Variants in LYPD6 observed in about 807,000 individuals in gnomAD.
The protein encoded by LYPD6 is LY6/PLAUR domain containing 6, also known as ly6/PLAUR domain-containing protein 6.
In LYPD6, 15 loss-of-function variants were observed where a neutral mutation model predicts 22.7. The observed-to-expected ratio is 0.66, with a 90% CI of 0.44 to 1.02. The LOEUF is 1.02. Ranked by LOEUF, LYPD6 falls within the 50% of genes least tolerant of loss-of-function variation. LYPD6 has a pLI of 0.00. For synonymous variants in LYPD6, 72 were observed against 77.5 expected (o/e 0.93, Z 0.37); for missense variants, 189 against 208.4 (o/e 0.91, Z 0.57).
At chr2:149,440,615 A>G (rs1176576554) in intron 2 of LYPD6, among the ~76,000 whole-genome samples, 1 of 151,678 alleles carries the variant, frequency 6.6e-6, no homozygotes, top group African/African-American at 2.4e-5. Context: ...TATGATGGGA[A>G]TACTGTGTAA....
At chr2:149,337,117 C>T (rs1028256709) in intron 1 of LYPD6, among the ~76,000 whole-genome samples, 1 of 152,146 alleles carries the variant, frequency 6.6e-6, no homozygotes, top group African/African-American at 2.4e-5. Context: ...TCTTTCTAGA[C>T]TGTAAGCGCT....
At chr2:149,378,120 TAA>T in intron 1 of LYPD6, among the ~76,000 whole-genome samples, 1 of 152,274 alleles carries the variant, frequency 6.6e-6, no homozygotes. Context: ...CTATGATTAA[TAA>T]TATATATATT....
At chr2:149,366,851 A>T (rs1275347202) in intron 1 of LYPD6, among the ~76,000 whole-genome samples, 2 of 152,204 alleles carry the variant, frequency 1.3e-5, no homozygotes, top group African/African-American at 4.8e-5. Flanking sequence ...GGGCCCCTTT[A>T]CAAGTTTTAA....
intron 1 of LYPD6, among the ~76,000 whole-genome samples, chr2:149,416,680 C>G (rs1312073086): frequency 2.6e-5 from 4 of 152,170 alleles, no homozygotes; most frequent in African/African-American, 9.7e-5. Flanking sequence ...ATCAGGAGTG[C>G]TAATAAGCGG....
rs200046618 is a variant in LYPD6, at chr2:149,468,618, T to A, written c.218-27T>A. 1,827 of 1,605,842 alleles carry A rather than the reference T, an allele frequency of 1.1e-3. 3 individuals carry two copies. Among genetic ancestry groups the A allele is most frequent in the Non-Finnish European group, 1.5e-3 (1,724 of 1,177,516 alleles). On this transcript the variant is annotated intron_variant, in intron 3 of 4. Transcript: ENST00000334166. ...AGGCAGGTTTGGTCAACATTTCCCATCTCAAATATATTTTCTCTGTTGACA... is the reference window on the plus strand; with the variant it reads ...AGGCAGGTTTGGTCAACATTTCCCAACTCAAATATATTTTCTCTGTTGACA...
chr2:149,485,621 G>A, the LYPD6 span, among the ~76,000 whole-genome samples: 3 of 152,156 alleles, frequency 2.0e-5, no homozygotes, highest in Non-Finnish European at 4.4e-5. Flanking sequence ...TTTGTCTGAC[G>A]CTGAGCCAGT....
chr2:149,460,743 C>G (rs1321082195), intron 3 of LYPD6, among the ~76,000 whole-genome samples: 14 of 152,036 alleles, frequency 9.2e-5, no homozygotes, highest in African/African-American at 3.1e-4. Context: ...AGCCATAAAG[C>G]AAACCTCAAC....
chr2:149,333,926 A>C (rs1390949997), intron 1 of LYPD6, among the ~76,000 whole-genome samples: 1 of 152,222 alleles, frequency 6.6e-6, no homozygotes, highest in Non-Finnish European at 1.5e-5. Context: ...CAAGAGTATA[A>C]TCAGTCTCTA....
chr2:149,426,790 A>C (rs1043003242), intron 1 of LYPD6, among the ~76,000 whole-genome samples: 5 of 152,224 alleles, frequency 3.3e-5, no homozygotes, highest in African/African-American at 1.2e-4. Flanking sequence ...CAGGAAGGGC[A>C]GAAAACCCTT....
At chr2:149,423,218 T>C (rs1011596252) in intron 1 of LYPD6, among the ~76,000 whole-genome samples, 1 of 152,088 alleles carries the variant, frequency 6.6e-6, no homozygotes, top group Non-Finnish European at 1.5e-5. Flanking sequence ...ATCAGCACTG[T>C]GGGGGCAGCT....
At chr2:149,330,805 A>C (rs1306949132) in intron 1 of LYPD6, 83 bp downstream of exon 1, 1 of 152,222 alleles carries the variant, frequency 6.6e-6, no homozygotes, top group African/African-American at 2.4e-5. Flanking sequence ...GGGCCTGGCC[A>C]AGGCAGGGAG....
At chr2:149,390,275 T>C (rs1014068960) in intron 1 of LYPD6, among the ~76,000 whole-genome samples, 1 of 152,210 alleles carries the variant, frequency 6.6e-6, no homozygotes, top group Admixed American at 6.5e-5. Flanking sequence ...AAGCATCTTA[T>C]TACTTGATCT....
At chr2:149,400,267 T>C (rs1682523862) in intron 1 of LYPD6, among the ~76,000 whole-genome samples, 1 of 152,220 alleles carries the variant, frequency 6.6e-6, no homozygotes, top group African/African-American at 2.4e-5. Context: ...ACCATTCTTA[T>C]AGGGGGTAAT....
chr2:149,368,688 G>A (rs1185920733), intron 1 of LYPD6, among the ~76,000 whole-genome samples: 1 of 152,208 alleles, frequency 6.6e-6, no homozygotes, highest in Non-Finnish European at 1.5e-5. Context: ...AGAAGGATTG[G>A]AGGGGTGTTA....
At chr2:149,360,363 A>G (rs1573740620) in intron 1 of LYPD6, among the ~76,000 whole-genome samples, 1 of 152,192 alleles carries the variant, frequency 6.6e-6, no homozygotes, top group Admixed American at 6.5e-5. Context: ...GCAGCTCAGT[A>G]GGTCTCAGCC....
chr2:149,410,515 C>G (rs1401363477), intron 1 of LYPD6, among the ~76,000 whole-genome samples: 1 of 151,716 alleles, frequency 6.6e-6, no homozygotes, highest in African/African-American at 2.4e-5. Flanking sequence ...TGTTGGAAAA[C>G]AAATGAGGTT....
intron 1 of LYPD6, among the ~76,000 whole-genome samples, chr2:149,348,061 CAAAA>C (rs58228847): frequency 3.4e-3 from 264 of 76,698 alleles, no homozygotes; most frequent in African/African-American, 0.011. Context: ...ACTAAAAATA[CAAAA>C]AAAAAAAAAA....
At chr2:149,429,553 G>A (rs1214336391) in intron 1 of LYPD6, among the ~76,000 whole-genome samples, 1 of 152,230 alleles carries the variant, frequency 6.6e-6, no homozygotes, top group Non-Finnish European at 1.5e-5. Context: ...GAGCTGAACT[G>A]TAATTTCTAG....
chr2:149,336,954 T>C (rs1025372090), intron 1 of LYPD6, among the ~76,000 whole-genome samples: 1 of 152,022 alleles, frequency 6.6e-6, no homozygotes, highest in African/African-American at 2.4e-5. Context: ...TGTGTGTGTG[T>C]GTGTGTTTGG....
Sources: gnomAD v4.1 joint callset for allele counts (sites outside exome capture counted in the v4.1 genomes callset) on GRCh38, gnomAD v4.1.1 for gene constraint, MANE v1.5 for transcripts, NCBI Gene and HGNC (gene_info 2026-07-23, HGNC 2026-07-21) for gene names.